Variants in RELN observed in about 807,000 individuals in gnomAD.
RELN encodes reelin.
RELN carries 108 observed loss-of-function variants against 427.6 expected under a neutral mutation model. The ratio of observed to expected loss-of-function variants is 0.25; its 90% CI spans 0.22 to 0.30. RELN has a LOEUF of 0.30. RELN is among the 10% of genes least tolerant of loss of function. The pLI, the probability that RELN is intolerant of heterozygous loss-of-function variation, is 1.00. For synonymous variants in RELN, 1,524 were observed against 1,513.4 expected (o/e 1.01, Z -0.16); for missense variants, 3,715 against 4,302.8 (o/e 0.86, Z 3.82).
chr7:103,584,994 T>TA (rs549478221), intron 28 of RELN, among the ~76,000 whole-genome samples: 4,749 of 149,288 alleles, frequency 0.032, 237 homozygotes, highest in African/African-American at 0.11. Flanking sequence ...AAGGCAGAAA[T>TA]AAAAAAAAAA....
Position 103,810,791 on chromosome 7 carries a change from A to G in RELN, c.473+22746T>C, listed in dbSNP as rs1452829411. ...ACAATGCCAGAAAAATTCTCCTGACACTGGAGAGTTAACTTTCTCTCCCTT... is the reference window on the plus strand; with the variant it reads ...ACAATGCCAGAAAAATTCTCCTGACGCTGGAGAGTTAACTTTCTCTCCCTT... On this transcript the variant is annotated intron_variant, in intron 3 of 64. Transcript: ENST00000428762. Among the ~76,000 whole-genome samples the G allele has an allele frequency of 2.6e-5, 4 of 152,368 alleles. No homozygotes were observed. The East Asian group carries it at 7.7e-4, about 29-fold the overall frequency.
intron 18 of RELN, 56 bp downstream of exon 18, chr7:103,636,179 C>A (rs964459946): frequency 1.3e-5 from 15 of 1,155,402 alleles, no homozygotes; most frequent in Non-Finnish European, 1.9e-5. Flanking sequence ...GACAGTATAA[C>A]TAAATTCAAC....
chr7:103,711,024 C>T (rs1440629790), intron 8 of RELN, among the ~76,000 whole-genome samples: 1 of 152,024 alleles, frequency 6.6e-6, no homozygotes, highest in East Asian at 1.9e-4. Flanking sequence ...AGCCTGGCAA[C>T]AGAGCGAGAC....
At chr7:103,935,178 A>C (rs772921920) in intron 1 of RELN, among the ~76,000 whole-genome samples, 1 of 152,196 alleles carries the variant, frequency 6.6e-6, no homozygotes, top group Non-Finnish European at 1.5e-5. Flanking sequence ...GTCTGTAATC[A>C]TATTTTGTAA....
intron 6 of RELN, among the ~76,000 whole-genome samples, chr7:103,738,764 C>A (rs139469994): frequency 0.02 from 2,917 of 145,720 alleles, 46 homozygotes; most frequent in Non-Finnish European, 0.03. Flanking sequence ...CTCACTGCAA[C>A]CTCCGCCTCC....
At chr7:103,835,095 T>C (rs1793366927) in intron 2 of RELN, among the ~76,000 whole-genome samples, 5 of 152,184 alleles carry the variant, frequency 3.3e-5, no homozygotes, top group Admixed American at 2.6e-4. Flanking sequence ...ATCTAGACAA[T>C]GGAATGTTAT....
chr7:103,684,673 T>G (rs919697167), intron 10 of RELN, among the ~76,000 whole-genome samples: 1 of 152,152 alleles, frequency 6.6e-6, no homozygotes, highest in Admixed American at 6.6e-5. Context: ...ATTTAACCCC[T>G]CTACGCCTCG....
intron 4 of RELN, among the ~76,000 whole-genome samples, chr7:103,768,830 T>G (rs1791491748): frequency 6.6e-6 from 1 of 152,126 alleles, no homozygotes; most frequent in Non-Finnish European, 1.5e-5. Flanking sequence ...AATTCAAAAT[T>G]TTCCTTCGAT....
intron 2 of RELN, among the ~76,000 whole-genome samples, chr7:103,854,917 C>T (rs1255713648): frequency 2.0e-5 from 3 of 152,108 alleles, no homozygotes; most frequent in Non-Finnish European, 4.4e-5. Context: ...GCAAAGAACA[C>T]TATTGTAAGT....
intron 8 of RELN, among the ~76,000 whole-genome samples, chr7:103,708,408 A>G (rs1789687682): frequency 6.6e-6 from 1 of 151,432 alleles, no homozygotes; most frequent in African/African-American, 2.4e-5. Flanking sequence ...ACATCATTTA[A>G]TACTGACATT....
chr7:103,840,012 TTCTC>T (rs1793513219), intron 2 of RELN, among the ~76,000 whole-genome samples: 1 of 152,204 alleles, frequency 6.6e-6, no homozygotes, highest in Non-Finnish European at 1.5e-5. Flanking sequence ...ACACTTCTCT[TTCTC>T]TCTCTCCGGC....
chr7:103,770,239 C>T (rs559502274), intron 4 of RELN, among the ~76,000 whole-genome samples: 41 of 152,286 alleles, frequency 2.7e-4, no homozygotes, highest in African/African-American at 9.4e-4. Flanking sequence ...CATGTGCCAT[C>T]ACGCCCAGCT....
intron 20 of RELN, among the ~76,000 whole-genome samples, chr7:103,615,071 C>T (rs1230358659): frequency 6.6e-6 from 1 of 152,094 alleles, no homozygotes; most frequent in East Asian, 1.9e-4. Context: ...CAGAAAAGAA[C>T]AGCCCACATC....
At chr7:103,518,505 G>GTTTTTTTTT (rs58239018) in intron 49 of RELN, among the ~76,000 whole-genome samples, 102 of 114,358 alleles carry the variant, frequency 8.9e-4, no homozygotes, top group Admixed American at 2.0e-3. Context: ...GGTAATTTAA[G>GTTTTTTTTT]TTTTTTTTTT....
chr7:103,545,171 C>T lies in RELN; in HGVS notation c.6476G>A (p.Cys2159Tyr), dbSNP rs375440000. ...ICDPGYSGPT[C>Y]KISTKNPDFL... ...ATCAGGATTTTTGGTGCTTATTTTA[C>T]AGGTTGGACCTGAGTAGCCAGGGTC... The change falls in exon 42 of 65, where the codon TGT (cysteine) becomes TAT (tyrosine). Residue 2159 changes from cysteine (C) to tyrosine (Y), a missense_variant. Cys to Tyr is a radical substitution (Grantham distance 194). Around this residue, in one of 4 missense-constraint regions of RELN, gnomAD observed 1,310 missense variants for 1,643.0 expected, o/e 0.80. Transcript: ENST00000428762. 1 of 1,614,104 alleles carries T rather than the reference C, an allele frequency of 6.2e-7. No homozygotes were observed. Among genetic ancestry groups the T allele is most frequent in the Non-Finnish European group, 8.5e-7 (1 of 1,180,030 alleles).
rs1273296617 is a variant in RELN, at chr7:103,968,687, GA to G, written c.226+20443del. Among the ~76,000 whole-genome samples, 2 of 152,104 alleles carry G rather than the reference GA, an allele frequency of 1.3e-5. No individual in the cohort carries two copies. The highest frequency in any genetic ancestry group is 4.8e-5 in the African/African-American group (2 of 41,414). On this transcript the variant is annotated intron_variant, in intron 1 of 64. Coordinates refer to ENST00000428762, the MANE Select transcript of RELN (RefSeq NM_005045.4). This position sits in a 1 kb window ranked among gnomAD's most constrained non-coding sequence, Gnocchi z 4.3. ...TTGCAACTAAAGAAAAGAGGCATTA[GA>G]TTATTAAGAACCAGTTAGAAAAGGT...
rs550212856 is a variant in RELN at position 103,489,160 on chromosome 7, AG to A, written c.9763+581del. 3.2e-4 allele frequency among the ~76,000 whole-genome samples: 48 copies of A among 152,008 alleles called. No homozygotes were observed. The East Asian group carries it at 7.7e-3, about 24-fold the overall frequency. ...TGCCCTGGATATATACTCAACCTCTAGAAACTCAAGGAGTGAAAATGTATTT... is the reference window on the plus strand; with the variant it reads ...TGCCCTGGATATATACTCAACCTCTAAAACTCAAGGAGTGAAAATGTATTT... On this transcript the variant is annotated intron_variant, in intron 60 of 64. Transcript: ENST00000428762.
At chr7:103,773,109 TTTCTTTCTTTCTTTC>T (rs1791614460) in intron 4 of RELN, among the ~76,000 whole-genome samples, 1 of 37,052 alleles carries the variant, frequency 2.7e-5, no homozygotes, top group Non-Finnish European at 6.7e-5. Context: ...CTTTTCTTTC[TTTCTTTCTTTCTTTC>T]TTTCTTTCTT....
At chr7:103,643,279 TC>T (rs1222313736) in intron 16 of RELN, among the ~76,000 whole-genome samples, 1 of 152,120 alleles carries the variant, frequency 6.6e-6, no homozygotes, top group Admixed American at 6.6e-5. Flanking sequence ...CCTCTCTTTC[TC>T]CCTTTCTACT....
Sources: allele counts gnomAD v4.1 joint callset (sites outside exome capture counted in the v4.1 genomes callset), GRCh38; gene constraint gnomAD v4.1.1; regional missense constraint gnomAD v4.1.1; non-coding constraint Gnocchi (gnomAD v3.1); transcripts MANE v1.5; gene names NCBI Gene and HGNC (gene_info 2026-07-23, HGNC 2026-07-21).